SPRY3: variants seen among roughly 807,000 people sequenced by gnomAD.
SPRY3 encodes the protein protein sprouty homolog 3.
In SPRY3, 15 loss-of-function variants were observed where a neutral mutation model predicts 20.2. The observed-to-expected ratio is 0.74, with a 90% CI of 0.50 to 1.14. SPRY3 has a LOEUF of 1.14. SPRY3 is among the 50% of genes most tolerant of loss of function. The pLI is 0.00. For synonymous variants in SPRY3, 143 were observed against 136.5 expected (o/e 1.05, Z -0.33); for missense variants, 364 against 363.9 (o/e 1.00, Z 0.00).
Position 155,667,040 on chromosome X carries a change from C to T in SPRY3, c.-282+10015C>T, listed in dbSNP as rs139882401. Reference sequence around the variant, plus strand: ...ACTACCACTACGAAATCCAGCAAAACGAGATTTTATAAGTGTAAAATACAT... The same window carrying T: ...ACTACCACTACGAAATCCAGCAAAATGAGATTTTATAAGTGTAAAATACAT... On this transcript the variant is annotated intron_variant, in intron 2 of 3. Coordinates refer to ENST00000675360, the Ensembl canonical transcript of SPRY3. Among the ~76,000 whole-genome samples, 786 of 110,927 alleles carry T rather than the reference C, an allele frequency of 7.1e-3. 6 individuals carry two copies. The highest frequency in any genetic ancestry group is 0.024 in the African/African-American group (744 of 30,589).
intron 2 of SPRY3, among the ~76,000 whole-genome samples, chrX:155,698,999 G>T (rs2068127621): frequency 8.9e-6 from 1 of 111,820 alleles, no homozygotes; most frequent in Non-Finnish European, 1.9e-5. Context: ...TTGAAAAGAA[G>T]GCAAAGATAT....
At chrX:155,778,572 T>G (rs1307142195), downstream of SPRY3, 2 of 167,118 alleles carry the variant, frequency 1.2e-5, no homozygotes, top group Non-Finnish European at 2.9e-5. Context: ...TTTTGGAGCT[T>G]AAGATTTGTT....
chrX:155,769,566 A>G (rs1296205070), intron 3 of SPRY3, among the ~76,000 whole-genome samples: 1 of 152,126 alleles, frequency 6.6e-6, no homozygotes, highest in African/African-American at 2.4e-5. Flanking sequence ...TACTTCTTAG[A>G]TGAACAACCA....
intron 2 of SPRY3, among the ~76,000 whole-genome samples, chrX:155,716,111 G>C (rs1353040755): frequency 1.3e-5 from 2 of 152,218 alleles, no homozygotes; most frequent in Middle Eastern, 3.4e-3. Flanking sequence ...GTTCCAGCAG[G>C]GGGGATGAAC....
exon 4 of SPRY3, chrX:155,774,202 T>A: frequency 6.2e-7 from 1 of 1,613,992 alleles, no homozygotes; most frequent in African/African-American, 1.3e-5. Context: ...TTCAGGCCAA[T>A]CCATCATCCG....
At chrX:155,724,356 A>G (rs1212103705) in intron 2 of SPRY3, among the ~76,000 whole-genome samples, 3 of 152,140 alleles carry the variant, frequency 2.0e-5, no homozygotes, top group African/African-American at 7.2e-5. Context: ...ATGGCATTGA[A>G]TCTATAAATT....
intron 2 of SPRY3, among the ~76,000 whole-genome samples, chrX:155,713,874 C>T (rs2091003594): frequency 6.6e-6 from 1 of 152,092 alleles, no homozygotes; most frequent in African/African-American, 2.4e-5. Flanking sequence ...AGGCATACTT[C>T]ATTTTTTTAT....
exon 1 of SPRY3, chrX:155,612,626 C>T (rs1474267133): frequency 8.9e-6 from 1 of 112,946 alleles, no homozygotes; most frequent in Non-Finnish European, 1.9e-5. Context: ...CAGGAGTGGC[C>T]TTCCTCTCCG....
chrX:155,758,071 T>C (rs972662647), intron 2 of SPRY3, among the ~76,000 whole-genome samples: 3 of 152,178 alleles, frequency 2.0e-5, no homozygotes, highest in African/African-American at 7.2e-5. Context: ...CCATCATTAT[T>C]TAACCCCTCT....
At chrX:155,746,675 G>A (rs1472678658) in intron 2 of SPRY3, among the ~76,000 whole-genome samples, 5 of 151,818 alleles carry the variant, frequency 3.3e-5, no homozygotes, top group Non-Finnish European at 7.4e-5. Flanking sequence ...TTAAGTTCTC[G>A]GACATTAATA....
intron 2 of SPRY3, among the ~76,000 whole-genome samples, chrX:155,704,626 AT>A (rs922266659): frequency 3.3e-5 from 5 of 151,594 alleles, no homozygotes; most frequent in Admixed American, 6.6e-5. Flanking sequence ...ATGACTGAGA[AT>A]TTTTTTTAAA....
intron 1 of SPRY3, among the ~76,000 whole-genome samples, chrX:155,629,972 A>G (rs1208821650): frequency 9.0e-6 from 1 of 111,542 alleles, no homozygotes; most frequent in Admixed American, 9.6e-5. Context: ...AGCTTTTCCC[A>G]TATGTTTTCT....
chrX:155,652,639 C>T (rs1485377236), intron 1 of SPRY3, among the ~76,000 whole-genome samples: 2 of 111,914 alleles, frequency 1.8e-5, no homozygotes, highest in African/African-American at 3.2e-5. Flanking sequence ...AAGGGACACT[C>T]GGGTTGTTAC....
At chrX:155,730,771 T>C (rs1239285501) in intron 2 of SPRY3, among the ~76,000 whole-genome samples, 1 of 151,884 alleles carries the variant, frequency 6.6e-6, no homozygotes, top group Non-Finnish European at 1.5e-5. Flanking sequence ...ACCTAAAGAC[T>C]CCACCAGAAA....
intron 2 of SPRY3, among the ~76,000 whole-genome samples, chrX:155,713,716 T>C (rs776391107): frequency 2.0e-5 from 3 of 152,252 alleles, no homozygotes; most frequent in Admixed American, 2.0e-4. Flanking sequence ...AAGCTTCTTG[T>C]GCTTGAATGT....
At chrX:155,780,164 A>G (rs1287398783), downstream of SPRY3, 2 of 167,022 alleles carry the variant, frequency 1.2e-5, no homozygotes, top group Non-Finnish European at 2.9e-5. Flanking sequence ...AGGTAATTCT[A>G]ACCCACACAT....
intron 2 of SPRY3, among the ~76,000 whole-genome samples, chrX:155,748,804 A>G (rs1218824740): frequency 6.6e-6 from 1 of 151,912 alleles, no homozygotes; most frequent in Non-Finnish European, 1.5e-5. Context: ...TAGGGCAATC[A>G]GATTCTGCAT....
At chrX:155,686,782 G>A (rs1025309275) in intron 2 of SPRY3, among the ~76,000 whole-genome samples, 1 of 112,422 alleles carries the variant, frequency 8.9e-6, no homozygotes, top group East Asian at 2.8e-4. Flanking sequence ...GCATCCAATA[G>A]AGAAGAATGT....
At chrX:155,767,182 C>G (rs966367225) in intron 2 of SPRY3, among the ~76,000 whole-genome samples, 2 of 151,958 alleles carry the variant, frequency 1.3e-5, no homozygotes, top group Non-Finnish European at 2.9e-5. Flanking sequence ...GCCACTTCGC[C>G]AAGCATTAAG....
Sources: allele counts gnomAD v4.1 joint callset (sites outside exome capture counted in the v4.1 genomes callset), GRCh38; gene constraint gnomAD v4.1.1; transcripts MANE v1.5; gene names NCBI Gene and HGNC (gene_info 2026-07-23, HGNC 2026-07-21).